Variants in KCNH1 observed in about 807,000 individuals in gnomAD.
KCNH1 encodes voltage-gated delayed rectifier potassium channel KCNH1.
KCNH1 carries 27 observed loss-of-function variants against 69.2 expected under a neutral mutation model. That is an observed-to-expected ratio of 0.39 (90% CI 0.29 to 0.54). The LOEUF (loss-of-function observed/expected upper bound fraction) is 0.54. Among genes scored for constraint, KCNH1 ranks in the 20% least tolerant of loss-of-function variants. The pLI, the probability that KCNH1 is intolerant of heterozygous loss-of-function variation, is 0.68. For missense variants in KCNH1, 798 were observed against 1,261.6 expected (o/e 0.63, Z 5.57); for synonymous variants, 456 against 487.7 (o/e 0.93, Z 0.86).
chr1:211,056,403 CA>C (rs927948652), intron 5 of KCNH1, among the ~76,000 whole-genome samples: 4 of 152,158 alleles, frequency 2.6e-5, no homozygotes, highest in African/African-American at 9.7e-5. Context: ...ACCTAAGGTT[CA>C]TGACTCCGGG....
chr1:211,128,477 T>G (rs1571669857), intron 1 of KCNH1, among the ~76,000 whole-genome samples: 1 of 151,688 alleles, frequency 6.6e-6, no homozygotes, highest in East Asian at 1.9e-4. Flanking sequence ...ACTGGTAAAA[T>G]TATGAGGAAA....
At chr1:210,986,007 T>C (rs1377375634) in intron 6 of KCNH1, among the ~76,000 whole-genome samples, 1 of 152,246 alleles carries the variant, frequency 6.6e-6, no homozygotes, top group Non-Finnish European at 1.5e-5. Context: ...TTAGCTCTTC[T>C]TGTTGAATTG....
At chr1:211,015,916 T>C (rs1269918960) in intron 6 of KCNH1, among the ~76,000 whole-genome samples, 3 of 152,174 alleles carry the variant, frequency 2.0e-5, no homozygotes, top group Admixed American at 6.5e-5. Context: ...AATTACCAAA[T>C]ATAAAATTAT....
In KCNH1 at chr1:210,905,744, C is replaced by T. The variant is rs184960550; in HGVS notation, c.1462+13896G>A. ...GCCGTAGGGTGCTGAGGGAGCACTT[C>T]AGAAGATTGAAATGTAAGCTCTGTT... On this transcript the variant is annotated intron_variant, in intron 7 of 10. Transcript: ENST00000271751. Among the ~76,000 whole-genome samples, 4 of 152,102 alleles carry T rather than the reference C, an allele frequency of 2.6e-5. No homozygotes were observed. The East Asian group carries it at 7.7e-4, about 29-fold the overall frequency.
At chr1:210,849,115 C>G (rs1450619469) in intron 7 of KCNH1, among the ~76,000 whole-genome samples, 2 of 152,172 alleles carry the variant, frequency 1.3e-5, no homozygotes, top group Non-Finnish European at 2.9e-5. Flanking sequence ...TACACATATA[C>G]ATACATGTGT....
chr1:210,684,559 C>T lies in KCNH1; in HGVS notation c.2113-421G>A, dbSNP rs374611119. Among the ~76,000 whole-genome samples, 3 of 152,196 alleles carry T rather than the reference C, an allele frequency of 2.0e-5. No homozygotes were observed. In the East Asian group the frequency reaches 5.8e-4, roughly 29 times the overall value. ...AAATATCACTTTTCTGGCCCCACTT[C>T]AGACCTACTCCATTAGTATCTCTGC... On this transcript the variant is annotated intron_variant, in intron 10 of 10. Transcript: ENST00000271751.
chr1:210,844,787 A>G (rs7532733), intron 7 of KCNH1, among the ~76,000 whole-genome samples: 127,073 of 152,082 alleles, frequency 0.84, 53,267 homozygotes, highest in African/African-American at 0.86. Flanking sequence ...ACGAATCCAG[A>G]AGCTGGTTTT....
chr1:210,735,816 CACACAG>C (rs995335357), intron 10 of KCNH1, among the ~76,000 whole-genome samples: 3 of 149,042 alleles, frequency 2.0e-5, no homozygotes, highest in African/African-American at 7.5e-5. Context: ...CACACACACA[CACACAG>C]AGAGAGAGAG....
chr1:210,995,975 A>G (rs769102698), intron 6 of KCNH1, among the ~76,000 whole-genome samples: 4 of 152,170 alleles, frequency 2.6e-5, no homozygotes, highest in Non-Finnish European at 5.9e-5. Context: ...AGCTTAAACC[A>G]TAATTGATGA....
chr1:210,872,427 T>C (rs1286011321), intron 7 of KCNH1, among the ~76,000 whole-genome samples: 1 of 152,154 alleles, frequency 6.6e-6, no homozygotes, highest in Admixed American at 6.6e-5. Context: ...TCTTCCCTTT[T>C]CCAGCTCTTC....
chr1:210,860,000 G>A (rs762415989), intron 7 of KCNH1: 9 of 1,588,346 alleles, frequency 5.7e-6, no homozygotes, highest in African/African-American at 2.7e-5. Flanking sequence ...CTGCTTCCAC[G>A]AATAAGGGAA....
At chr1:211,000,277 C>G (rs1277601365) in intron 6 of KCNH1, among the ~76,000 whole-genome samples, 3 of 152,014 alleles carry the variant, frequency 2.0e-5, no homozygotes, top group African/African-American at 4.8e-5. Context: ...TCATCTCAGC[C>G]CAAAATCTCC....
chr1:210,859,339 A>C (rs576175995), intron 7 of KCNH1: 1 of 1,527,936 alleles, frequency 6.5e-7, no homozygotes, highest in Non-Finnish European at 9.1e-7. Context: ...TTCTTCATTA[A>C]GACCATGAGT....
chr1:210,736,347 G>A (rs1248589858), intron 10 of KCNH1, among the ~76,000 whole-genome samples: 6 of 152,132 alleles, frequency 3.9e-5, no homozygotes, highest in African/African-American at 1.4e-4. Flanking sequence ...TCGGGAGTTC[G>A]AGACCAGCCT....
At chr1:210,860,846 C>CT (rs1685962493) in intron 7 of KCNH1, 1 of 917,508 alleles carries the variant, frequency 1.1e-6, no homozygotes, top group Non-Finnish European at 1.8e-6. Flanking sequence ...TAGTGAAGTA[C>CT]TCAGCAAGCC....
intron 5 of KCNH1, among the ~76,000 whole-genome samples, chr1:211,076,619 G>T (rs1299530569): frequency 6.6e-6 from 1 of 152,196 alleles, no homozygotes; most frequent in African/African-American, 2.4e-5. Flanking sequence ...CAACATCAAA[G>T]ACCAAAGGTA....
At chr1:210,690,013 C>T (rs1310388079) in intron 10 of KCNH1, among the ~76,000 whole-genome samples, 1 of 152,192 alleles carries the variant, frequency 6.6e-6, no homozygotes, top group Non-Finnish European at 1.5e-5. Flanking sequence ...CCACACACAC[C>T]AGCTTCCTGT....
intron 6 of KCNH1, among the ~76,000 whole-genome samples, chr1:210,996,957 T>C (rs1463901160): frequency 6.6e-6 from 1 of 152,214 alleles, no homozygotes; most frequent in African/African-American, 2.4e-5. Flanking sequence ...GGGTTCTGTC[T>C]GTTAGAAGGA....
chr1:211,091,305 C>T (rs927580530), intron 3 of KCNH1, among the ~76,000 whole-genome samples: 6 of 152,030 alleles, frequency 3.9e-5, no homozygotes, highest in Non-Finnish European at 5.9e-5. Context: ...CCTCAGCCTC[C>T]CGAGGTAGCT....
Sources: gnomAD v4.1 joint callset for allele counts (sites outside exome capture counted in the v4.1 genomes callset) on GRCh38, gnomAD v4.1.1 for gene constraint, MANE v1.5 for transcripts, NCBI Gene and HGNC (gene_info 2026-07-23, HGNC 2026-07-21) for gene names.